Variants in ANK3 observed in about 807,000 individuals in gnomAD.
ANK3 encodes ankyrin-3.
In ANK3, 57 loss-of-function variants were observed where a neutral mutation model predicts 370.9. That is an observed-to-expected ratio of 0.15 (90% CI 0.12 to 0.19). The LOEUF (loss-of-function observed/expected upper bound fraction) is 0.19, where lower values mean the gene tolerates loss of function less well. ANK3 is among the 10% of genes least tolerant of loss of function. The pLI is 1.00. For synonymous variants in ANK3, 1,929 were observed against 1,946.3 expected (o/e 0.99, Z 0.23); for missense variants, 4,439 against 5,302.1 (o/e 0.84, Z 5.06).
intron 2 of ANK3, among the ~76,000 whole-genome samples, chr10:60,553,417 C>T (rs550829444): frequency 8.6e-5 from 13 of 150,740 alleles, no homozygotes; most frequent in East Asian, 3.9e-4. Context: ...ATATTAATTT[C>T]GTCTTCTATT....
intron 10 of ANK3, 120 bp downstream of exon 10, chr10:60,207,916 A>G: frequency 2.2e-6 from 2 of 889,160 alleles, no homozygotes. Flanking sequence ...AAAATTGACA[A>G]GAAGTACACT....
chr10:60,536,935 T>C (rs1318035400), intron 2 of ANK3, among the ~76,000 whole-genome samples: 1 of 152,058 alleles, frequency 6.6e-6, no homozygotes, highest in Non-Finnish European at 1.5e-5. Context: ...TAAATTAAAG[T>C]AATCCCAATA....
chr10:60,499,420 GGAAAA>G (rs1457560397), intron 2 of ANK3, among the ~76,000 whole-genome samples: 1 of 151,980 alleles, frequency 6.6e-6, no homozygotes, highest in Non-Finnish European at 1.5e-5. Flanking sequence ...CATCAATAAA[GGAAAA>G]GAAAACTAGA....
intron 2 of ANK3, among the ~76,000 whole-genome samples, chr10:60,395,701 C>T (rs966431884): frequency 6.6e-6 from 1 of 151,532 alleles, no homozygotes; most frequent in Non-Finnish European, 1.5e-5. Flanking sequence ...TCCTCAGGCA[C>T]TTGTGCCGAA....
In ANK3 at chr10:60,186,816, G is replaced by C; in HGVS notation, c.1984C>G (p.Arg662Gly). Residue 662 changes from arginine (R) to glycine (G), a missense_variant, in exon 17 of 44, where the codon CGG (arginine) becomes GGG (glycine). Transcript: ENST00000280772. ...EYGADANAVT[R>G]QGIASVHLAA... is the part of the protein sequence containing the mutation. ...AGATGGACGGAAGCAATTCCTTGCCGGGTAACTGCGTTGGCATCAGCACCA... is the reference window on the plus strand; with the variant it reads ...AGATGGACGGAAGCAATTCCTTGCCCGGTAACTGCGTTGGCATCAGCACCA... 6.2e-7 allele frequency: 1 copy of C among 1,614,142 alleles called. No individual in the cohort carries two copies. Among genetic ancestry groups the C allele is most frequent in the Non-Finnish European group, 8.5e-7 (1 of 1,180,012 alleles).
At chr10:60,386,101 G>A (rs928816219) in intron 1 of ANK3, among the ~76,000 whole-genome samples, 5 of 151,624 alleles carry the variant, frequency 3.3e-5, no homozygotes, top group Non-Finnish European at 7.4e-5. Context: ...ATGGACCAGG[G>A]CCCTGCTGGG....
At chr10:60,580,330 T>C (rs546379339) in intron 2 of ANK3, among the ~76,000 whole-genome samples, 2 of 152,320 alleles carry the variant, frequency 1.3e-5, no homozygotes, top group South Asian at 4.1e-4. Flanking sequence ...CCACAGGTGA[T>C]ATCTAAATAA....
chr10:60,488,170 T>C (rs2075398449), intron 2 of ANK3, among the ~76,000 whole-genome samples: 1 of 152,034 alleles, frequency 6.6e-6, no homozygotes, highest in Non-Finnish European at 1.5e-5. Context: ...TTTAATTAAA[T>C]GAGATAGATG....
chr10:60,303,185 C>T lies in ANK3; in HGVS notation c.115-23546G>A, dbSNP rs889322060. On this transcript the variant is annotated intron_variant, in intron 1 of 43. Transcript: ENST00000280772. ...TGCATATGATGTCAAAAGCTCAGGC[C>T]ACAAAAGCGAAAATTATTAAATGAG... 5.9e-5 allele frequency among the ~76,000 whole-genome samples: 9 copies of T among 152,122 alleles called. No individual in the cohort carries two copies. The East Asian group carries it at 9.6e-4, about 16-fold the overall frequency.
chr10:60,094,400 C>A (rs1259820920), intron 28 of ANK3, among the ~76,000 whole-genome samples: 1 of 151,932 alleles, frequency 6.6e-6, no homozygotes, highest in Non-Finnish European at 1.5e-5. Flanking sequence ...GTTGGCCAAG[C>A]TGGTATTGAA....
At chr10:60,632,794 CAGG>C in intron 1 of ANK3, among the ~76,000 whole-genome samples, 1 of 151,942 alleles carries the variant, frequency 6.6e-6, no homozygotes, top group South Asian at 2.1e-4. Context: ...GAGGCTGAAG[CAGG>C]AGGATTGCCA....
intron 1 of ANK3, among the ~76,000 whole-genome samples, chr10:60,630,259 G>GA (rs1433097093): frequency 6.6e-6 from 1 of 151,918 alleles, no homozygotes; most frequent in Non-Finnish European, 1.5e-5. Flanking sequence ...TACAGCTAAA[G>GA]AAAAAAACTA....
chr10:60,588,979 T>C (rs1348728920), intron 2 of ANK3, among the ~76,000 whole-genome samples: 4 of 152,148 alleles, frequency 2.6e-5, no homozygotes, highest in South Asian at 2.1e-4. Context: ...AGGAGGTCTG[T>C]TGATTAAGAG....
chr10:60,339,039 A>C (rs2053668486), intron 1 of ANK3, among the ~76,000 whole-genome samples: 1 of 152,172 alleles, frequency 6.6e-6, no homozygotes. Context: ...AGTGGAGTGA[A>C]ATAGAATGTG....
intron 1 of ANK3, chr10:60,300,486 C>G (rs1019084061): frequency 6.3e-6 from 8 of 1,270,228 alleles, no homozygotes; most frequent in Non-Finnish European, 8.2e-6. Flanking sequence ...AGGAGCTGGT[C>G]AGAAGCAACT....
At chr10:60,420,136 A>G (rs1402734580) in intron 2 of ANK3, among the ~76,000 whole-genome samples, 2 of 152,142 alleles carry the variant, frequency 1.3e-5, no homozygotes, top group East Asian at 1.9e-4. Flanking sequence ...CTCTGTTTAT[A>G]TACCATAGGG....
At chr10:60,214,066 A>G (rs1321424192) in intron 8 of ANK3, among the ~76,000 whole-genome samples, 8 of 152,194 alleles carry the variant, frequency 5.3e-5, no homozygotes, top group Admixed American at 4.6e-4. Context: ...CTGGATTATT[A>G]TAATTATTTG....
At chr10:60,363,895 T>C (rs989418722) in intron 1 of ANK3, among the ~76,000 whole-genome samples, 2 of 151,648 alleles carry the variant, frequency 1.3e-5, no homozygotes. Flanking sequence ...TATAAAAAGA[T>C]AGGATTAATT....
At chr10:60,387,662 T>C (rs768653232) in intron 1 of ANK3, among the ~76,000 whole-genome samples, 8 of 152,228 alleles carry the variant, frequency 5.3e-5, no homozygotes, top group Non-Finnish European at 1.0e-4. Context: ...TTGATATTTC[T>C]CCTTGTTCCC....
Sources: allele counts gnomAD v4.1 joint callset (sites outside exome capture counted in the v4.1 genomes callset), GRCh38; gene constraint gnomAD v4.1.1; transcripts MANE v1.5; gene names NCBI Gene and HGNC (gene_info 2026-07-23, HGNC 2026-07-21).